ALDH3A2: variants seen among roughly 807,000 people sequenced by gnomAD.
ALDH3A2 encodes aldehyde dehydrogenase 3 family member A2, also known as aldehyde dehydrogenase family 3 member A2.
ALDH3A2 carries 36 observed loss-of-function variants against 51.3 expected under a neutral mutation model. The observed-to-expected ratio is 0.70, with a 90% CI of 0.54 to 0.93. The LOEUF (loss-of-function observed/expected upper bound fraction) is 0.93, where lower values mean the gene tolerates loss of function less well. Ranked by LOEUF, ALDH3A2 falls within the 40% of genes least tolerant of loss-of-function variation. The pLI is 0.00. For missense variants in ALDH3A2, 552 were observed against 603.1 expected (o/e 0.92, Z 0.89); for synonymous variants, 199 against 219.8 (o/e 0.91, Z 0.84).
intron 8 of ALDH3A2, among the ~76,000 whole-genome samples, chr17:19,665,991 G>A (rs1230134240): frequency 2.6e-5 from 4 of 152,212 alleles, no homozygotes; most frequent in Middle Eastern, 3.4e-3. Flanking sequence ...ATAGCCACAG[G>A]TCCTTGTCTA....
At chr17:19,667,483 A>G (rs546235017) in intron 8 of ALDH3A2, among the ~76,000 whole-genome samples, 2 of 152,236 alleles carry the variant, frequency 1.3e-5, no homozygotes, top group Admixed American at 6.5e-5. Context: ...TCTAATTCTC[A>G]AAGTAATATA....
intron 8 of ALDH3A2, 82 bp from the exon 9 acceptor site, chr17:19,671,639 T>G: frequency 2.3e-5 from 29 of 1,240,536 alleles, no homozygotes; most frequent in Non-Finnish European, 3.2e-5. Flanking sequence ...GGAGTGCATG[T>G]GAGCTTTCCC....
chr17:19,671,739 C>G lies in ALDH3A2; in HGVS notation c.1226C>G (p.Ala409Gly). ...ATTTCAGGTTCCAGTGGGATGGGAG[C>G]TTATCACGGAAAACATAGTTTTGAT... The part of the protein sequence containing the change: ...FGGVGSSGMG[A>G]YHGKHSFDTF... Residue 409 changes from alanine to glycine, a missense_variant, in exon 9 of 10, where the codon GCT (alanine) becomes GGT (glycine). By Grantham distance (60) the Ala-to-Gly change is moderately conservative. Coordinates refer to ENST00000176643, the MANE Select transcript of ALDH3A2 (RefSeq NM_000382.3). 6.2e-7 allele frequency: 1 copy of G among 1,614,018 alleles called. No individual in the cohort carries two copies. The highest frequency in any genetic ancestry group is 1.1e-5 in the South Asian group (1 of 91,074).
chr17:19,650,207 G>A (rs770956824), intron 1 of ALDH3A2, among the ~76,000 whole-genome samples: 14 of 151,640 alleles, frequency 9.2e-5, no homozygotes, highest in Non-Finnish European at 1.9e-4. Context: ...CCACCCCCCC[G>A]GCCTGTGGTA....
chr17:19,663,455 C>T lies in ALDH3A2; in HGVS notation c.1063C>T (p.Arg355Cys), dbSNP rs1439626742. The change falls in exon 7 of 10, where the codon CGT becomes TGT. Residue 355 changes from arginine (R) to cysteine (C), a missense_variant. Coordinates refer to ENST00000176643, the MANE Select transcript of ALDH3A2 (RefSeq NM_000382.3). Reference protein sequence around the residue: ...VDEAINFINEREKPLALYVFS... With the variant: ...VDEAINFINECEKPLALYVFS... ...TGAGGCCATAAATTTCATAAATGAA[C>T]GTGAAAAGCCTCTGGCTCTTTATGT... 6.2e-6 allele frequency: 10 copies of T among 1,614,040 alleles called. No individual in the cohort carries two copies. The highest frequency in any genetic ancestry group is 1.6e-4 in the Middle Eastern group (1 of 6,062).
intron 7 of ALDH3A2, among the ~76,000 whole-genome samples, chr17:19,664,127 G>A (rs1188194203): frequency 6.6e-6 from 1 of 152,198 alleles, no homozygotes; most frequent in African/African-American, 2.4e-5. Flanking sequence ...GACAGCTTTT[G>A]GAGCTTGTGA....
At chr17:19,673,186 G>A in intron 9 of ALDH3A2, 3 of 1,614,194 alleles carry the variant, frequency 1.9e-6, no homozygotes, top group Non-Finnish European at 2.5e-6. Flanking sequence ...AGGCCCTGTT[G>A]ATTTTTCTGG....
intron 7 of ALDH3A2, 102 bp downstream of exon 7, chr17:19,663,601 G>T: frequency 7.2e-7 from 1 of 1,386,112 alleles, no homozygotes; most frequent in African/African-American, 1.4e-5. Flanking sequence ...AACAATGATG[G>T]TTTCTTTTGT....
intron 5 of ALDH3A2, among the ~76,000 whole-genome samples, chr17:19,658,818 G>A (rs2084931310): frequency 6.6e-6 from 1 of 151,816 alleles, no homozygotes; most frequent in Non-Finnish European, 1.5e-5. Flanking sequence ...AGTGGGTGAG[G>A]ATCATTAACC....
rs189734945 is a variant in ALDH3A2, at chr17:19,651,903, A to G, written c.385+125A>G. The G allele has an allele frequency of 1.8e-4, 156 of 857,862 alleles. 1 individual carries two copies. The East Asian group carries it at 3.0e-3, about 16-fold the overall frequency. 53.1% of individuals were successfully genotyped at this position (857,862 alleles called of 1,614,324 possible). On this transcript the variant is annotated intron_variant, in intron 2 of 9. Coordinates refer to ENST00000176643, the MANE Select transcript of ALDH3A2 (RefSeq NM_000382.3). ...GTGATTTGCCTTTGTTTACACCACCAGTGTACTGAGAATTCATACATACCA... is the reference window on the plus strand; with the variant it reads ...GTGATTTGCCTTTGTTTACACCACCGGTGTACTGAGAATTCATACATACCA...
intron 1 of ALDH3A2, chr17:19,649,764 T>A (rs951040935): frequency 1.1e-4 from 16 of 152,358 alleles, no homozygotes; most frequent in African/African-American, 3.9e-4. Context: ...AAATGCAGAT[T>A]ATGGTTCAGT....
rs1305811535 is a variant in ALDH3A2, at chr17:19,654,574, T to C, written c.472-1792T>C. Among the ~76,000 whole-genome samples the C allele has an allele frequency of 6.6e-6, 1 of 152,126 alleles. No individual in the cohort carries two copies. The highest frequency in any genetic ancestry group is 2.4e-5 in the African/African-American group (1 of 41,462). ...GCTGGCCCAGGTGCTAAGCCCCTCATTGCCCAGGGCTGGCGGCGCCGGCCA... is the reference window on the plus strand; with the variant it reads ...GCTGGCCCAGGTGCTAAGCCCCTCACTGCCCAGGGCTGGCGGCGCCGGCCA... On this transcript the variant is annotated intron_variant, in intron 3 of 9. Transcript: ENST00000176643. The surrounding 1 kb of genome is among the most constrained non-coding windows in gnomAD (Gnocchi z 4.5).
chr17:19,661,144 TATAAA>T lies in ALDH3A2; in HGVS notation c.818_822del (p.Ile273ArgfsTer4). ...TTAAATAGGAATTTTATGGAGAAAA[TATAAA>T]AGAGTCTCCTGATTATGAAAGGATC... is the stretch of plus-strand genomic sequence containing the variant. On this transcript the variant is annotated frameshift_variant, in exon 6 of 10. Transcript: ENST00000176643. LOFTEE classifies it high-confidence loss of function. The T allele has an allele frequency of 6.2e-7, 1 of 1,611,472 alleles. No homozygotes were observed. The highest frequency in any genetic ancestry group is 8.5e-7 in the Non-Finnish European group (1 of 1,177,618).
Position 19,648,786 on chromosome 17 carries a change from T to G in ALDH3A2, c.-186T>G. On this transcript the variant is annotated 5_prime_UTR_variant, in exon 1 of 10. Coordinates refer to ENST00000176643, the MANE Select transcript of ALDH3A2 (RefSeq NM_000382.3). ...CGGCGCCTCCGACTGGCAGTGGGAC[T>G]CAGCGGGCGTGGAGGTCGCGGCTGA... The G allele has an allele frequency of 1.3e-6, 1 of 770,830 alleles. No individual in the cohort carries two copies. Among genetic ancestry groups the G allele is most frequent in the Non-Finnish European group, 2.1e-6 (1 of 482,646 alleles). 47.7% of individuals were successfully genotyped at this position (770,830 alleles called of 1,614,324 possible). A position where few individuals can be genotyped will look rare whatever the true frequency, so the allele number is the denominator to read the frequency against.
At position 19,651,528 on chromosome 17, in the gene ALDH3A2, T is replaced by A. The variant is rs1330012611; in HGVS notation, c.154-19T>A. 1 of 1,588,840 alleles carries A rather than the reference T, an allele frequency of 6.3e-7. No homozygotes were observed. Among genetic ancestry groups the A allele is most frequent in the East Asian group, 2.2e-5 (1 of 44,738 alleles). ...ATCATACTTACTCTGCAAGATTAAC[T>A]GTGATTCTCTTATAACAGAGTGAAT... On this transcript the variant is annotated intron_variant, in intron 1 of 9. Transcript: ENST00000176643.
chr17:19,666,855 C>T (rs1597568293), intron 8 of ALDH3A2, among the ~76,000 whole-genome samples: 1 of 150,330 alleles, frequency 6.7e-6, no homozygotes, highest in East Asian at 1.9e-4. Context: ...TATATACCCA[C>T]AAAAATTAAA....
In ALDH3A2 at chr17:19,663,487, G is replaced by A. The variant is rs372077578; in HGVS notation, c.1095G>A (p.Ser365=). 17 of 1,613,728 alleles carry A rather than the reference G, an allele frequency of 1.1e-5. No individual in the cohort carries two copies. The highest frequency in any genetic ancestry group is 6.7e-5 in the African/African-American group (5 of 74,864). ...AGCCTCTGGCTCTTTATGTATTTTCGCATAACCATAAGGTAAGCTTTAGAG... is the reference window on the plus strand; with the variant it reads ...AGCCTCTGGCTCTTTATGTATTTTCACATAACCATAAGGTAAGCTTTAGAG... ...REKPLALYVF[S]HNHKLIKRMI... Residue 365 remains serine (S), a synonymous_variant, in exon 7 of 10, where the codon TCG becomes TCA. Coordinates refer to ENST00000176643, the MANE Select transcript of ALDH3A2 (RefSeq NM_000382.3).
chr17:19,665,376 CGTGT>C (rs34642385), intron 8 of ALDH3A2, among the ~76,000 whole-genome samples: 119 of 144,858 alleles, frequency 8.2e-4, no homozygotes, highest in Non-Finnish European at 9.2e-4. Flanking sequence ...GATCTCTCTT[CGTGT>C]GTGTGTGTGT....
chr17:19,676,563 G>A lies in ALDH3A2; in HGVS notation c.*991G>A, dbSNP rs1597578305. On this transcript the variant is annotated 3_prime_UTR_variant, in exon 10 of 10. Transcript: ENST00000176643. The stretch of plus-strand genomic sequence containing the variant: ...AGCTGCTTAGGAGGCTGAAGCAGGA[G>A]GATTGATTGAGCCTGCGAGGCCAAG... 6.6e-6 allele frequency: 1 copy of A among 152,188 alleles called. No individual in the cohort carries two copies. The highest frequency in any genetic ancestry group is 1.5e-5 in the Non-Finnish European group (1 of 68,064). 9.4% of individuals were successfully genotyped at this position (152,188 alleles called of 1,614,324 possible).
Sources: allele counts gnomAD v4.1 joint callset (sites outside exome capture counted in the v4.1 genomes callset), GRCh38; gene constraint gnomAD v4.1.1; non-coding constraint Gnocchi (gnomAD v3.1); transcripts MANE v1.5; gene names NCBI Gene and HGNC (gene_info 2026-07-23, HGNC 2026-07-21).